MICU1: variants seen among roughly 807,000 people sequenced by gnomAD.
MICU1 encodes calcium uptake protein 1, mitochondrial.
Under a neutral mutation model 56.8 loss-of-function variants are expected in MICU1, and 45 were observed. The observed-to-expected ratio is 0.79, with a 90% CI of 0.62 to 1.02. MICU1 has a LOEUF of 1.02. MICU1 is among the 50% of genes least tolerant of loss of function. The probability of loss-of-function intolerance (pLI) is 0.00; values close to 1 mark genes in which losing one functional copy is unlikely to be tolerated. For missense variants in MICU1, 504 were observed against 587.1 expected (o/e 0.86, Z 1.46); for synonymous variants, 186 against 195.1 (o/e 0.95, Z 0.39).
At position 72,423,123 on chromosome 10, in the gene MICU1, G is replaced by A. The variant is rs186403828; in HGVS notation, c.1071+111C>T. 60 of 1,382,970 alleles carry A rather than the reference G, an allele frequency of 4.3e-5. No individual in the cohort carries two copies. In the East Asian group the frequency reaches 1.4e-3, roughly 33 times the overall value. The allele number at this position is 1,382,970 out of a possible 1,614,324, so 85.7% of individuals were successfully genotyped here. On this transcript the variant is annotated intron_variant, in intron 9 of 11. Coordinates refer to ENST00000361114, the MANE Select transcript of MICU1 (RefSeq NM_001195518.2). ...ACCTCAGGTACCAGAAATGAATTAG[G>A]TGTAATCATTGGTTCATGAAATACT... is the stretch of plus-strand genomic sequence containing the variant.
rs563228674 is a variant in MICU1, at chr10:72,521,346, G to A, written c.537+12400C>T. Among the ~76,000 whole-genome samples the A allele has an allele frequency of 5.3e-5, 8 of 152,070 alleles. No homozygotes were observed. In the East Asian group the frequency reaches 1.5e-3, roughly 29 times the overall value. Reference sequence around the variant, plus strand: ...TTTGAAAGCAAACAAACATTTATAGGTATCCCTTAAGCACCAATGACCATT... The same window carrying A: ...TTTGAAAGCAAACAAACATTTATAGATATCCCTTAAGCACCAATGACCATT... On this transcript the variant is annotated intron_variant, in intron 5 of 11. Coordinates refer to ENST00000361114, the MANE Select transcript of MICU1 (RefSeq NM_001195518.2).
chr10:72,408,807 G>C (rs181325328), intron 9 of MICU1, among the ~76,000 whole-genome samples: 3 of 152,206 alleles, frequency 2.0e-5, no homozygotes. Flanking sequence ...CAAAGTCAGT[G>C]ATATACAGGG....
chr10:72,456,946 G>GGTGTGTGTGTGTGTGTGT (rs71018292), intron 8 of MICU1, among the ~76,000 whole-genome samples: 6 of 117,786 alleles, frequency 5.1e-5, no homozygotes, highest in African/African-American at 1.9e-4. Flanking sequence ...ATATTGCCCA[G>GGTGTGTGTGTGTGTGTGT]GTGTGTGTGT....
At chr10:72,447,959 G>T (rs1402798877) in intron 8 of MICU1, among the ~76,000 whole-genome samples, 1 of 151,796 alleles carries the variant, frequency 6.6e-6, no homozygotes, top group Non-Finnish European at 1.5e-5. Context: ...TTATTCTTCA[G>T]TCTCCAGAGC....
chr10:72,496,991 T>C (rs535937451), intron 6 of MICU1, among the ~76,000 whole-genome samples: 4 of 152,294 alleles, frequency 2.6e-5, no homozygotes, highest in African/African-American at 7.2e-5. Context: ...AACCATTCAA[T>C]GACAACCACT....
At chr10:72,457,453 C>T (rs1865509032) in intron 8 of MICU1, among the ~76,000 whole-genome samples, 1 of 150,872 alleles carries the variant, frequency 6.6e-6, no homozygotes, top group Admixed American at 6.6e-5. Flanking sequence ...ACTCTATAGA[C>T]TCAAGTGATC....
intron 1 of MICU1, among the ~76,000 whole-genome samples, chr10:72,577,966 G>C (rs1437069692): frequency 1.3e-5 from 2 of 152,104 alleles, no homozygotes; most frequent in Non-Finnish European, 2.9e-5. Context: ...TGTTGATAAG[G>C]CAGCAGCAGG....
At chr10:72,512,400 C>G (rs745733259) in intron 5 of MICU1, among the ~76,000 whole-genome samples, 2 of 152,116 alleles carry the variant, frequency 1.3e-5, no homozygotes, top group Non-Finnish European at 2.9e-5. Flanking sequence ...AGCCACCATG[C>G]CTGGCCCCCA....
At chr10:72,390,792 C>A (rs1195202503) in intron 10 of MICU1, among the ~76,000 whole-genome samples, 1 of 152,228 alleles carries the variant, frequency 6.6e-6, no homozygotes, top group African/African-American at 2.4e-5. Flanking sequence ...CACTTTTAAG[C>A]TCCTAGAACC....
At chr10:72,555,748 T>C (rs952231460) in intron 3 of MICU1, among the ~76,000 whole-genome samples, 2 of 152,238 alleles carry the variant, frequency 1.3e-5, no homozygotes, top group African/African-American at 4.8e-5. Flanking sequence ...ATGCCTCTAC[T>C]TGCATGGTAG....
intron 10 of MICU1, among the ~76,000 whole-genome samples, chr10:72,396,821 A>C (rs1863280885): frequency 6.6e-6 from 1 of 152,234 alleles, no homozygotes; most frequent in Admixed American, 6.5e-5. Context: ...GATGTACCTG[A>C]AAGTGATGGG....
At chr10:72,610,069 G>A (rs1411171991) in intron 1 of MICU1, among the ~76,000 whole-genome samples, 2 of 151,482 alleles carry the variant, frequency 1.3e-5, no homozygotes, top group Admixed American at 6.6e-5. Flanking sequence ...GACCAGCTTG[G>A]GCAACACAGC....
At chr10:72,375,239 T>C (rs142863475) in intron 11 of MICU1, among the ~76,000 whole-genome samples, 16 of 152,298 alleles carry the variant, frequency 1.1e-4, no homozygotes, top group African/African-American at 3.9e-4. Flanking sequence ...TCCGTTGTTA[T>C]TGTTGTTATT....
chr10:72,528,527 T>C (rs192252398), intron 5 of MICU1, among the ~76,000 whole-genome samples: 734 of 152,298 alleles, frequency 4.8e-3, no homozygotes, highest in Non-Finnish European at 8.3e-3. Flanking sequence ...GGGAAAGACA[T>C]GGCTAATTAA....
At chr10:72,532,097 C>T (rs1012143060) in intron 5 of MICU1, among the ~76,000 whole-genome samples, 3 of 152,014 alleles carry the variant, frequency 2.0e-5, no homozygotes, top group African/African-American at 7.2e-5. Flanking sequence ...GCAGGCAGAT[C>T]ACGAGGTCAG....
chr10:72,591,750 C>G lies in MICU1; in HGVS notation c.-1-24956G>C, dbSNP rs542109100. Among the ~76,000 whole-genome samples, 12 of 152,142 alleles carry G rather than the reference C, an allele frequency of 7.9e-5. No homozygotes were observed. In the South Asian group the frequency reaches 1.7e-3, roughly 21 times the overall value. ...GAATTCTCCCAGTAAAGGCCAGGTGCGGTGGCTCACGCTTGTAATCCCAGC... is the reference window on the plus strand; with the variant it reads ...GAATTCTCCCAGTAAAGGCCAGGTGGGGTGGCTCACGCTTGTAATCCCAGC... On this transcript the variant is annotated intron_variant, in intron 1 of 11. Transcript: ENST00000361114.
At chr10:72,369,891 A>AT (rs1197152582) in intron 11 of MICU1, among the ~76,000 whole-genome samples, 1 of 145,016 alleles carries the variant, frequency 6.9e-6, no homozygotes, top group Non-Finnish European at 1.5e-5. Flanking sequence ...GTACATATAT[A>AT]TTTTTTTGAG....
chr10:72,625,245 G>C (rs1842199146), intron 1 of MICU1, among the ~76,000 whole-genome samples: 2 of 152,154 alleles, frequency 1.3e-5, no homozygotes, highest in African/African-American at 4.8e-5. Flanking sequence ...TTAGCTATAA[G>C]ATATTTATTC....
rs1463660656 is a variant in MICU1 at position 72,368,096 on chromosome 10, G to T, written c.*99C>A. Reference sequence around the variant, plus strand: ...CTGAGGTCATCCCGGGAGGAAGGGGGACTACTTCCAGAAGCAGCAGCACAA... The same window carrying T: ...CTGAGGTCATCCCGGGAGGAAGGGGTACTACTTCCAGAAGCAGCAGCACAA... On this transcript the variant is annotated 3_prime_UTR_variant, in exon 12 of 12. Transcript: ENST00000361114. The T allele has an allele frequency of 5.4e-5, 69 of 1,288,090 alleles. No homozygotes were observed. Among genetic ancestry groups the T allele is most frequent in the Non-Finnish European group, 7.2e-5 (67 of 934,594 alleles). 79.8% of individuals were successfully genotyped at this position (1,288,090 alleles called of 1,614,324 possible).
Sources: allele counts gnomAD v4.1 joint callset (sites outside exome capture counted in the v4.1 genomes callset), GRCh38; gene constraint gnomAD v4.1.1; transcripts MANE v1.5; gene names NCBI Gene and HGNC (gene_info 2026-07-23, HGNC 2026-07-21).